EXOC5: variants seen among roughly 807,000 people sequenced by gnomAD.
The protein encoded by EXOC5 is exocyst complex component 5.
EXOC5 carries 17 observed loss-of-function variants against 90.8 expected under a neutral mutation model. The ratio of observed to expected loss-of-function variants is 0.19; its 90% confidence interval spans 0.13 to 0.28. EXOC5 has a LOEUF of 0.28. Among genes scored for constraint, EXOC5 ranks in the 10% least tolerant of loss-of-function variants. EXOC5 has a pLI of 1.00. For missense variants in EXOC5, 569 were observed against 830.6 expected, an observed-to-expected ratio of 0.69 and a Z score of 3.87; for synonymous variants, 260 against 270.0, an observed-to-expected ratio of 0.96 and a Z score of 0.36.
chr14:57,255,801 C>T (rs939212778), intron 1 of EXOC5, among the ~76,000 whole-genome samples: 1 of 148,952 alleles, frequency 6.7e-6, no homozygotes, highest in Non-Finnish European at 1.5e-5. Context: ...CACTGTACTC[C>T]AGCCTGGGCG....
At position 57,204,526 on chromosome 14, in the gene EXOC5, T is replaced by G. The variant is rs1033449768; in HGVS notation, c.*4083A>C. The G allele has an allele frequency of 3.9e-5, 6 of 152,418 alleles. No homozygotes were observed. The highest frequency in any genetic ancestry group is 1.4e-4 in the African/African-American group (6 of 41,460). The allele number at this position is 152,418 out of a possible 1,614,324, so 9.4% of individuals were successfully genotyped here. A position where few individuals can be genotyped will look rare whatever the true frequency, so the allele number is the denominator to read the frequency against. On this transcript the variant is annotated 3_prime_UTR_variant, in exon 18 of 18. Coordinates refer to ENST00000621441, the MANE Select transcript of EXOC5 (RefSeq NM_006544.4). ...AAATAGTTAACACAATTGGCAAGCCTATGACATTTAAAATAGTTTTTGAAC... is the reference window on the plus strand; with the variant it reads ...AAATAGTTAACACAATTGGCAAGCCGATGACATTTAAAATAGTTTTTGAAC...
At chr14:57,232,139 G>C (rs1883506000) in intron 10 of EXOC5, 1 of 160,718 alleles carries the variant, frequency 6.2e-6, no homozygotes, top group South Asian at 1.8e-4. Flanking sequence ...TGAAGATAGG[G>C]TCATAACAGT....
At chr14:57,215,412 T>TAA (rs3048723) in intron 15 of EXOC5, among the ~76,000 whole-genome samples, 42,244 of 144,818 alleles carry the variant, frequency 0.29, 10,339 homozygotes, top group African/African-American at 0.68. Flanking sequence ...AATAAAGATG[T>TAA]AAAAAAAAAA....
chr14:57,233,491 A>G (rs1043620687), intron 9 of EXOC5, among the ~76,000 whole-genome samples: 1 of 152,078 alleles, frequency 6.6e-6, no homozygotes, highest in Non-Finnish European at 1.5e-5. Context: ...TTACCACAAT[A>G]TATTATACTA....
chr14:57,240,760 C>A (rs1021215932), intron 4 of EXOC5, among the ~76,000 whole-genome samples: 1 of 152,174 alleles, frequency 6.6e-6, no homozygotes, highest in East Asian at 1.9e-4. Context: ...TTTAATAATT[C>A]ATTTTATGAA....
intron 1 of EXOC5, among the ~76,000 whole-genome samples, chr14:57,258,657 T>C (rs184037198): frequency 7.2e-5 from 11 of 152,348 alleles, no homozygotes; most frequent in Admixed American, 7.2e-4. Flanking sequence ...GTAACAAACC[T>C]GTACGTTATG....
chr14:57,209,560 C>A lies in EXOC5; in HGVS notation c.1938+7G>T. ...TTTGCAAGTTTGATGTTTTTGTGTACACATACCTTGAAGTCTTTGGCACAC... is the reference window on the plus strand; with the variant it reads ...TTTGCAAGTTTGATGTTTTTGTGTAAACATACCTTGAAGTCTTTGGCACAC... On this transcript the variant is annotated splice_region_variant and intron_variant, in intron 17 of 17. Coordinates refer to ENST00000621441, the MANE Select transcript of EXOC5 (RefSeq NM_006544.4). 1 of 1,578,652 alleles carries A rather than the reference C, an allele frequency of 6.3e-7. No individual in the cohort carries two copies. Among genetic ancestry groups the A allele is most frequent in the Admixed American group, 1.7e-5 (1 of 59,228 alleles).
chr14:57,239,046 T>C (rs1333339401), intron 5 of EXOC5, among the ~76,000 whole-genome samples: 1 of 151,570 alleles, frequency 6.6e-6, no homozygotes, highest in Non-Finnish European at 1.5e-5. Flanking sequence ...CCTTGCATTT[T>C]AAAAAAAAGG....
At chr14:57,252,099 A>G (rs1212718365) in intron 1 of EXOC5, among the ~76,000 whole-genome samples, 3 of 152,220 alleles carry the variant, frequency 2.0e-5, no homozygotes, top group Non-Finnish European at 4.4e-5. Context: ...CCTGGAACTC[A>G]TGCCTTCACT....
At chr14:57,243,249 T>C (rs1230471174) in intron 4 of EXOC5, 1 of 152,178 alleles carries the variant, frequency 6.6e-6, no homozygotes, top group African/African-American at 2.4e-5. Context: ...AAACTAAATT[T>C]TTCAAAAACA....
Position 57,233,688 on chromosome 14 carries a change from G to C in EXOC5, c.855+55C>G, listed in dbSNP as rs577031592. The C allele has an allele frequency of 3.1e-4, 336 of 1,100,658 alleles. No individual in the cohort carries two copies. In the East Asian group the frequency reaches 8.4e-3, roughly 27 times the overall value. The allele number at this position is 1,100,658 out of a possible 1,614,324, so 68.2% of individuals were successfully genotyped here. A position where few individuals can be genotyped will look rare whatever the true frequency, so the allele number is the denominator to read the frequency against. The stretch of plus-strand genomic sequence containing the variant: ...TTTAAAAATACTTTTAAAATATAGG[G>C]AAAAAATTACATATTGCTTTAAGAA... On this transcript the variant is annotated intron_variant, in intron 9 of 17. Transcript: ENST00000621441.
rs1024804046 is a variant in EXOC5 at position 57,204,973 on chromosome 14, A to G, written c.*3636T>C. ...AAGGAGAATAGCATATAGAACCTAA[A>G]AGTGAGTGAGAAAAGATTTAGGTTT... On this transcript the variant is annotated 3_prime_UTR_variant, in exon 18 of 18. Transcript: ENST00000621441. The G allele has an allele frequency of 2.0e-5, 3 of 151,966 alleles. 1 individual carries two copies. The South Asian group carries it at 6.2e-4, about 31-fold the overall frequency. 9.4% of individuals were successfully genotyped at this position (151,966 alleles called of 1,614,324 possible). A position where few individuals can be genotyped will look rare whatever the true frequency, so the allele number is the denominator to read the frequency against.
At chr14:57,230,055 G>C (rs1041574994) in intron 11 of EXOC5, among the ~76,000 whole-genome samples, 174 bp from the exon 12 acceptor site, 1 of 151,970 alleles carries the variant, frequency 6.6e-6, no homozygotes, top group Non-Finnish European at 1.5e-5. Context: ...ATATCTAAAC[G>C]GAAGATTTTC....
rs1210581816 is a variant in EXOC5 at position 57,202,023 on chromosome 14, T to C, written c.*6586A>G. On this transcript the variant is annotated 3_prime_UTR_variant, in exon 18 of 18. Transcript: ENST00000621441. ...TAGTACCTTAAGAAAGTGATAAAAA[T>C]GAACATCATCAGAAATGGGGCAAAT... The C allele has an allele frequency of 1.3e-5, 2 of 152,032 alleles. No homozygotes were observed. The highest frequency in any genetic ancestry group is 4.8e-5 in the African/African-American group (2 of 41,394). The allele number at this position is 152,032 out of a possible 1,614,324, so 9.4% of individuals were successfully genotyped here. A position where few individuals can be genotyped will look rare whatever the true frequency, so the allele number is the denominator to read the frequency against.
chr14:57,242,504 A>G (rs1241907307), intron 4 of EXOC5, among the ~76,000 whole-genome samples: 1 of 152,034 alleles, frequency 6.6e-6, no homozygotes. Flanking sequence ...TTGGCCTCCT[A>G]AAGTGCTGGG....
rs1053665989 is a variant in EXOC5 at position 57,205,816 on chromosome 14, C to T, written c.*2793G>A. 28 of 440,590 alleles carry T rather than the reference C, an allele frequency of 6.4e-5. No homozygotes were observed. The highest frequency in any genetic ancestry group is 6.6e-4 in the Middle Eastern group (2 of 3,036). The allele number at this position is 440,590 out of a possible 1,614,324, so 27.3% of individuals were successfully genotyped here. On this transcript the variant is annotated 3_prime_UTR_variant, in exon 18 of 18. Transcript: ENST00000621441. ...TTAAATTAGATTTTAATTTAACCTA[C>T]TTTGATAGTTTTTTAAAACAAGGAA...
rs1364443039 is a variant in EXOC5 at position 57,268,508 on chromosome 14, C to T, written c.27+114G>A. The T allele has an allele frequency of 5.2e-6, 8 of 1,534,742 alleles. 1 individual carries two copies. The highest frequency in any genetic ancestry group is 4.8e-5 in the South Asian group (4 of 83,834). ...CCACCCCAACCCTTCTGTTTCGCAC[C>T]TCTCTCCCGAGGGCTCCTCCTGGGC... On this transcript the variant is annotated intron_variant, in intron 1 of 17. Coordinates refer to ENST00000621441, the MANE Select transcript of EXOC5 (RefSeq NM_006544.4).
intron 4 of EXOC5, among the ~76,000 whole-genome samples, chr14:57,240,980 G>A (rs1226138683): frequency 6.6e-6 from 1 of 152,098 alleles, no homozygotes; most frequent in Non-Finnish European, 1.5e-5. Context: ...AGCCTCCCAA[G>A]TAGCTGGGAT....
chr14:57,260,436 T>C (rs941982629), intron 1 of EXOC5, among the ~76,000 whole-genome samples: 1 of 152,198 alleles, frequency 6.6e-6, no homozygotes, highest in Non-Finnish European at 1.5e-5. Flanking sequence ...CTTTAAACTA[T>C]GAAATTAGCC....
Sources: allele counts gnomAD v4.1 joint callset (sites outside exome capture counted in the v4.1 genomes callset), GRCh38; gene constraint gnomAD v4.1.1; transcripts MANE v1.5; gene names NCBI Gene and HGNC (gene_info 2026-07-23, HGNC 2026-07-21).